ALDH1A2: variants seen among roughly 807,000 people sequenced by gnomAD.
ALDH1A2 encodes the protein retinal dehydrogenase 2.
A neutral mutation model predicts 60.3 loss-of-function variants in ALDH1A2; 27 were observed. The observed-to-expected ratio is 0.45, with a 90% CI of 0.33 to 0.62. The LOEUF (loss-of-function observed/expected upper bound fraction) is 0.62, where lower values mean the gene tolerates loss of function less well. Ranked by LOEUF, ALDH1A2 falls within the 20% of genes least tolerant of loss-of-function variation. The probability of loss-of-function intolerance (pLI) is 0.02; values close to 1 mark genes in which losing one functional copy is unlikely to be tolerated. For missense variants in ALDH1A2, 581 were observed against 643.8 expected (o/e 0.90, Z 1.06); for synonymous variants, 289 against 232.4 (o/e 1.24, Z -2.21).
At chr15:58,056,732 C>T (rs932908521) in intron 1 of ALDH1A2, among the ~76,000 whole-genome samples, 21 of 151,874 alleles carry the variant, frequency 1.4e-4, no homozygotes, top group African/African-American at 5.1e-4. Flanking sequence ...GAAAAATGAG[C>T]AAATGATAAA....
In ALDH1A2 at chr15:57,954,297, A is replaced by T. The variant is rs1893443142; in HGVS notation, c.*900T>A. ...GTTGCCCAATATTAGAAACTGAATG[A>T]TGTCTGCAAGGCATCCAGCATTATC... On this transcript the variant is annotated 3_prime_UTR_variant, in exon 13 of 13. Coordinates refer to ENST00000249750, the MANE Select transcript of ALDH1A2 (RefSeq NM_003888.4). 1 of 152,620 alleles carries T rather than the reference A, an allele frequency of 6.6e-6. No individual in the cohort carries two copies. The highest frequency in any genetic ancestry group is 2.4e-5 in the African/African-American group (1 of 41,462). The allele number at this position is 152,620 out of a possible 1,614,324, so 9.5% of individuals were successfully genotyped here.
At position 57,954,922 on chromosome 15, in the gene ALDH1A2, G is replaced by A; in HGVS notation, c.*275C>T. ...CCTTATTTCATCCTGTGCTCCAGAA[G>A]GAGATACTGGATGTGTCTGCTAGCT... On this transcript the variant is annotated 3_prime_UTR_variant, in exon 13 of 13. Transcript: ENST00000249750. The A allele has an allele frequency of 1.9e-6, 1 of 535,576 alleles. No individual in the cohort carries two copies. The highest frequency in any genetic ancestry group is 2.1e-5 in the South Asian group (1 of 47,096). The allele number at this position is 535,576 out of a possible 1,614,324, so 33.2% of individuals were successfully genotyped here. A position where few individuals can be genotyped will look rare whatever the true frequency, so the allele number is the denominator to read the frequency against.
chr15:58,036,958 C>A (rs1012149586), intron 1 of ALDH1A2, among the ~76,000 whole-genome samples: 1 of 151,618 alleles, frequency 6.6e-6, no homozygotes. Context: ...ATTCAGCCGG[C>A]CTGATCAGCC....
At chr15:58,047,196 T>G (rs965799103) in intron 1 of ALDH1A2, among the ~76,000 whole-genome samples, 4 of 152,060 alleles carry the variant, frequency 2.6e-5, no homozygotes, top group African/African-American at 9.7e-5. Context: ...CAGTGAATCT[T>G]TGACATAAAG....
At chr15:57,978,105 G>A (rs1288653738) in intron 7 of ALDH1A2, among the ~76,000 whole-genome samples, 1 of 152,266 alleles carries the variant, frequency 6.6e-6, no homozygotes, top group Middle Eastern at 3.4e-3. Flanking sequence ...GAGACTATGG[G>A]GTTTTCTAAA....
chr15:57,975,685 TAGAC>T (rs1346784498), intron 7 of ALDH1A2, among the ~76,000 whole-genome samples: 96 of 152,224 alleles, frequency 6.3e-4, no homozygotes, highest in African/African-American at 2.1e-3. Context: ...ATGCACGACA[TAGAC>T]AGATCTCAAA....
intron 4 of ALDH1A2, among the ~76,000 whole-genome samples, chr15:58,001,660 A>G (rs1181048178): frequency 2.0e-5 from 3 of 151,960 alleles, no homozygotes; most frequent in African/African-American, 7.2e-5. Flanking sequence ...ATGGTCTCTC[A>G]GTATGGCAGG....
At chr15:58,002,371 G>A (rs1302127608) in intron 4 of ALDH1A2, among the ~76,000 whole-genome samples, 1 of 151,880 alleles carries the variant, frequency 6.6e-6, no homozygotes. Flanking sequence ...CTACACAGAA[G>A]AGAGAGAAAT....
rs193147272 is a variant in ALDH1A2 at position 58,035,976 on chromosome 15, A to G, written c.118-21695T>C. Among the ~76,000 whole-genome samples the G allele has an allele frequency of 3.1e-3, 467 of 151,804 alleles. 3 individuals are homozygous for G. Among genetic ancestry groups the G allele is most frequent in the African/African-American group, 0.011 (447 of 41,512 alleles). ...CTTTTGCATTTTCCTTTAGCTCCCT[A>G]TCAATTTCCAGATCACTGTTCTTTT... is the stretch of plus-strand genomic sequence containing the variant. On this transcript the variant is annotated intron_variant, in intron 1 of 12. Transcript: ENST00000249750.
chr15:57,980,853 G>A (rs1039914914), intron 7 of ALDH1A2, among the ~76,000 whole-genome samples: 1 of 152,184 alleles, frequency 6.6e-6, no homozygotes. Context: ...TGTTTCAGAA[G>A]GAATGGTACC....
At chr15:58,011,563 ATGTT>A (rs1456827026) in intron 3 of ALDH1A2, among the ~76,000 whole-genome samples, 3 of 152,318 alleles carry the variant, frequency 2.0e-5, no homozygotes, top group African/African-American at 7.2e-5. Flanking sequence ...ATTAACAAAC[ATGTT>A]TGTAATTTTC....
At chr15:58,041,795 T>C (rs186622139) in intron 1 of ALDH1A2, among the ~76,000 whole-genome samples, 4 of 152,058 alleles carry the variant, frequency 2.6e-5, no homozygotes, top group Admixed American at 2.0e-4. Context: ...CCGCAGACAG[T>C]AACAAACTAC....
intron 7 of ALDH1A2, among the ~76,000 whole-genome samples, chr15:57,975,086 G>A (rs1232906478): frequency 6.6e-6 from 1 of 152,208 alleles, no homozygotes; most frequent in African/African-American, 2.4e-5. Flanking sequence ...GGGATGTAAA[G>A]GAGTTCAAAG....
intron 12 of ALDH1A2, among the ~76,000 whole-genome samples, chr15:57,956,041 C>T (rs903795796): frequency 6.6e-6 from 1 of 152,186 alleles, no homozygotes; most frequent in African/African-American, 2.4e-5. Context: ...TTGTTCACAC[C>T]TCAACCACCA....
intron 11 of ALDH1A2, 46 bp from the exon 12 acceptor site, chr15:57,960,890 C>A: frequency 6.5e-7 from 1 of 1,546,158 alleles, no homozygotes; most frequent in South Asian, 1.1e-5. Context: ...GAAGTCTGAG[C>A]ACATAATCTG....
intron 1 of ALDH1A2, among the ~76,000 whole-genome samples, chr15:58,039,448 A>G (rs766188511): frequency 6.6e-6 from 1 of 151,782 alleles, no homozygotes; most frequent in Non-Finnish European, 1.5e-5. Flanking sequence ...CAACACCCAG[A>G]GAGTTCATTG....
At chr15:57,956,532 C>T (rs1015595534) in intron 12 of ALDH1A2, among the ~76,000 whole-genome samples, 6 of 152,198 alleles carry the variant, frequency 3.9e-5, no homozygotes, top group African/African-American at 1.4e-4. Flanking sequence ...ACAGGGACAA[C>T]AGAGGGCGGC....
chr15:57,983,911 CTGTAT>C (rs1281049064), intron 7 of ALDH1A2, among the ~76,000 whole-genome samples: 1 of 152,164 alleles, frequency 6.6e-6, no homozygotes, highest in African/African-American at 2.4e-5. Context: ...AATGGAAACC[CTGTAT>C]TGTAACAAAT....
In ALDH1A2 at chr15:58,027,359, C is replaced by T. The variant is rs189581364; in HGVS notation, c.118-13078G>A. ...GGAATAGCATCAACATCAACAAAAACGACATCCACACCAAAACCCCATTTG... is the reference window on the plus strand; with the variant it reads ...GGAATAGCATCAACATCAACAAAAATGACATCCACACCAAAACCCCATTTG... On this transcript the variant is annotated intron_variant, in intron 1 of 12. Transcript: ENST00000249750. 5.7e-3 allele frequency among the ~76,000 whole-genome samples: 868 copies of T among 152,144 alleles called. 15 individuals carry two copies. Among genetic ancestry groups the T allele is most frequent in the Middle Eastern group, 6.8e-3 (2 of 294 alleles).
Sources: allele counts gnomAD v4.1 joint callset (sites outside exome capture counted in the v4.1 genomes callset), GRCh38; gene constraint gnomAD v4.1.1; transcripts MANE v1.5; gene names NCBI Gene and HGNC (gene_info 2026-07-23, HGNC 2026-07-21).